KNTC1: variants seen among roughly 807,000 people sequenced by gnomAD.
KNTC1 encodes the protein kinetochore-associated protein 1.
In KNTC1, 253 loss-of-function variants were observed where a neutral mutation model predicts 314.4. That is an observed-to-expected ratio of 0.80 (90% CI 0.73 to 0.89). KNTC1 has a LOEUF of 0.89. KNTC1 is among the 40% of genes least tolerant of loss of function. The pLI, the probability that KNTC1 is intolerant of heterozygous loss-of-function variation, is 0.00. For synonymous variants in KNTC1, 901 were observed against 901.4 expected (o/e 1.00, Z 0.01); for missense variants, 2,475 against 2,572.9 (o/e 0.96, Z 0.82).
chr12:122,592,987 C>T (rs976887553), intron 42 of KNTC1: 2 of 152,762 alleles, frequency 1.3e-5, no homozygotes, highest in African/African-American at 4.8e-5. Context: ...GAGGAAGGAA[C>T]AACTCCAGAC....
intron 21 of KNTC1, among the ~76,000 whole-genome samples, chr12:122,568,866 C>T (rs768744083): frequency 2.0e-5 from 3 of 152,064 alleles, no homozygotes; most frequent in Non-Finnish European, 2.9e-5. Context: ...TTACTTTTCC[C>T]GGAGAAAATT....
chr12:122,605,615 G>A (rs1482402651), intron 51 of KNTC1, among the ~76,000 whole-genome samples, 200 bp downstream of exon 51: 7 of 152,126 alleles, frequency 4.6e-5, no homozygotes, highest in African/African-American at 1.7e-4. Flanking sequence ...GCGCGGTCTC[G>A]GCTCACTGCA....
In KNTC1 at chr12:122,602,704, T is replaced by C. The variant is rs760551034; in HGVS notation, c.4789T>C (p.Phe1597Leu). 41 of 1,613,886 alleles carry C rather than the reference T, an allele frequency of 2.5e-5. No homozygotes were observed. Among genetic ancestry groups the C allele is most frequent in the Middle Eastern group, 1.6e-4 (1 of 6,084 alleles). Reference protein sequence around the residue: ...AQTRLPFHLIFFGTAQNFWKI... With the variant: ...AQTRLPFHLILFGTAQNFWKI... ...AACTAGACTGCCTTTTCACCTGATA[T>C]TCTTTGGCACAGCACAGAACTTCTG... The change falls in exon 46 of 64, where the codon TTC becomes CTC. Residue 1597 changes from phenylalanine (F) to leucine (L), a missense_variant. By Grantham distance (22) the Phe-to-Leu change is conservative. Transcript: ENST00000333479.
At chr12:122,531,135 A>G (rs2137638854) in intron 2 of KNTC1, among the ~76,000 whole-genome samples, 1 of 152,132 alleles carries the variant, frequency 6.6e-6, no homozygotes, top group Middle Eastern at 3.4e-3. Context: ...CGTTATTCCT[A>G]AAGGGAATTA....
At position 122,603,206 on chromosome 12, in the gene KNTC1, A is replaced by C; in HGVS notation, c.5064A>C (p.Val1688=). Residue 1688 remains valine (V), a synonymous_variant, in exon 48 of 64, where the codon GTA becomes GTC. Coordinates refer to ENST00000333479, the MANE Select transcript of KNTC1 (RefSeq NM_014708.6). ...CTATAGTCAACCCAGAGTGGGCTGT[A>C]GCTATTGCCATCAGCCTTGCCCAGG... The part of the protein sequence containing the change: ...LLSIVNPEWA[V]AIAISLAQDI... 6.2e-7 allele frequency: 1 copy of C among 1,613,086 alleles called. No individual in the cohort carries two copies. The highest frequency in any genetic ancestry group is 2.2e-5 in the East Asian group (1 of 44,868).
At chr12:122,571,214 T>G (rs1361896359) in intron 24 of KNTC1, 88 bp downstream of exon 24, 2 of 891,586 alleles carry the variant, frequency 2.2e-6, no homozygotes, top group Admixed American at 5.6e-5. Flanking sequence ...TCTGGAAATA[T>G]ATCTACTTCT....
At chr12:122,549,979 G>T in intron 13 of KNTC1, 115 bp downstream of exon 13, 2 of 576,874 alleles carry the variant, frequency 3.5e-6, no homozygotes, top group Non-Finnish European at 6.1e-6. Context: ...GGAACCTAGT[G>T]GAAACCTGGA....
At chr12:122,568,680 TA>T (rs1292785562) in intron 21 of KNTC1, among the ~76,000 whole-genome samples, 1 of 151,798 alleles carries the variant, frequency 6.6e-6, no homozygotes, top group African/African-American at 2.4e-5. Context: ...CTACCAAAAA[TA>T]AAAAAGTAGC....
At chr12:122,590,503 A>G in intron 40 of KNTC1, 104 bp from the exon 41 acceptor site, 1 of 1,186,970 alleles carries the variant, frequency 8.4e-7, no homozygotes, top group Non-Finnish European at 1.2e-6. Context: ...TTTAAGTATA[A>G]ATTAAAATTA....
At chr12:122,568,563 G>A (rs1964490230) in intron 21 of KNTC1, among the ~76,000 whole-genome samples, 191 bp downstream of exon 21, 1 of 152,210 alleles carries the variant, frequency 6.6e-6, no homozygotes, top group African/African-American at 2.4e-5. Context: ...TGGGCTGGGC[G>A]CGATGGCTCA....
chr12:122,568,185 T>G, intron 20 of KNTC1, 76 bp from the exon 21 acceptor site: 1 of 725,574 alleles, frequency 1.4e-6, no homozygotes. Context: ...TAAAATGCAT[T>G]TAAAGATAAT....
rs745404746 is a variant in KNTC1, at chr12:122,533,521, C to T, written c.130-1143C>T. On this transcript the variant is annotated intron_variant, in intron 2 of 63. Transcript: ENST00000333479. ...ACCAGCCTGGCCAACACAGTGAAAA[C>T]CCCGTCTCTATAAAAGAAAAAGAAA... 2.8e-4 allele frequency among the ~76,000 whole-genome samples: 43 copies of T among 152,024 alleles called. 1 individual carries two copies. Among genetic ancestry groups the T allele is most frequent in the Admixed American group, 2.5e-3 (38 of 15,260 alleles).
intron 8 of KNTC1, 38 bp from the exon 9 acceptor site, chr12:122,546,138 T>G: frequency 1.7e-5 from 21 of 1,256,468 alleles, no homozygotes; most frequent in East Asian, 2.3e-5. Context: ...GGTCTAAGAA[T>G]GAAATTTGCA....
Position 122,575,503 on chromosome 12 carries a change from C to T in KNTC1, c.2383-40C>T, listed in dbSNP as rs768128007. The T allele has an allele frequency of 1.6e-5, 22 of 1,407,686 alleles. No individual in the cohort carries two copies. The South Asian group carries it at 2.7e-4, about 17-fold the overall frequency. The allele number at this position is 1,407,686 out of a possible 1,614,324, so 87.2% of individuals were successfully genotyped here. ...GCTGTTCACTTGCATGCATCGTAAA[C>T]CTGAGGGCTGTTCCTTGTCCATGCG... On this transcript the variant is annotated intron_variant, in intron 27 of 63. Transcript: ENST00000333479.
chr12:122,565,829 AAGCTGTG>A (rs1964292086), intron 20 of KNTC1, among the ~76,000 whole-genome samples: 1 of 152,086 alleles, frequency 6.6e-6, no homozygotes, highest in African/African-American at 2.4e-5. Flanking sequence ...AGGCTGCAGT[AAGCTGTG>A]ATTGTGCCAC....
intron 19 of KNTC1, 107 bp downstream of exon 19, chr12:122,562,081 C>T: frequency 6.4e-6 from 7 of 1,095,530 alleles, no homozygotes; most frequent in Non-Finnish European, 9.2e-6. Flanking sequence ...TATTTCAATA[C>T]CTTACTTTTC....
At chr12:122,549,051 TTTTA>T (rs907823888) in intron 12 of KNTC1, among the ~76,000 whole-genome samples, 6 of 152,094 alleles carry the variant, frequency 3.9e-5, no homozygotes, top group South Asian at 2.1e-4. Flanking sequence ...GTACTGTGTG[TTTTA>T]TTTATTTATT....
chr12:122,610,068 T>C (rs1452645567), intron 52 of KNTC1, among the ~76,000 whole-genome samples: 2 of 152,156 alleles, frequency 1.3e-5, no homozygotes, highest in African/African-American at 2.4e-5. Context: ...GGAGAGCTGA[T>C]AGAAAAGATG....
chr12:122,616,561 G>A lies in KNTC1; in HGVS notation c.6030+1035G>A, dbSNP rs146294787. ...CAGGTGTGAGCCACCGCACCCGGCCGAGATTTCCTGTTTTACAGGCATGTA... is the reference window on the plus strand; with the variant it reads ...CAGGTGTGAGCCACCGCACCCGGCCAAGATTTCCTGTTTTACAGGCATGTA... On this transcript the variant is annotated intron_variant, in intron 57 of 63. Coordinates refer to ENST00000333479, the MANE Select transcript of KNTC1 (RefSeq NM_014708.6). 3.2e-3 allele frequency among the ~76,000 whole-genome samples: 482 copies of A among 152,110 alleles called. 2 individuals carry two copies. Among genetic ancestry groups the A allele is most frequent in the African/African-American group, 0.011 (438 of 41,498 alleles).
Sources: allele counts gnomAD v4.1 joint callset (sites outside exome capture counted in the v4.1 genomes callset), GRCh38; gene constraint gnomAD v4.1.1; transcripts MANE v1.5; gene names NCBI Gene and HGNC (gene_info 2026-07-23, HGNC 2026-07-21).